The following KCNK1 variants were observed in gnomAD, a reference collection of about 807,000 sequenced individuals.
KCNK1 encodes the protein potassium two pore domain channel subfamily K member 1, also known as potassium channel subfamily K member 1.
KCNK1 carries 10 observed loss-of-function variants against 22.2 expected under a neutral mutation model. That is an observed-to-expected ratio of 0.45 (90% CI 0.28 to 0.76). The LOEUF is 0.76. Among genes scored for constraint, KCNK1 ranks in the 30% least tolerant of loss-of-function variants. KCNK1 has a pLI of 0.14. For missense variants in KCNK1, 378 were observed against 421.0 expected, an observed-to-expected ratio of 0.90 and a Z score of 0.89; for synonymous variants, 200 against 186.4, an observed-to-expected ratio of 1.07 and a Z score of -0.60.
chr1:233,662,703 C>G (rs1391796745), intron 1 of KCNK1, among the ~76,000 whole-genome samples: 1 of 152,204 alleles, frequency 6.6e-6, no homozygotes, highest in African/African-American at 2.4e-5. Flanking sequence ...ACATGCCTCA[C>G]AGATGCAAGC....
At chr1:233,641,614 G>C (rs1402754603) in intron 1 of KCNK1, among the ~76,000 whole-genome samples, 1 of 152,176 alleles carries the variant, frequency 6.6e-6, no homozygotes, top group Non-Finnish European at 1.5e-5. Flanking sequence ...GCACTTCCTG[G>C]CTTGCCATTC....
chr1:233,623,923 C>A (rs1657637100), intron 1 of KCNK1, among the ~76,000 whole-genome samples: 2 of 152,078 alleles, frequency 1.3e-5, no homozygotes, highest in African/African-American at 4.8e-5. Flanking sequence ...AGAAAGTAAA[C>A]CTGAAACTAT....
intron 1 of KCNK1, among the ~76,000 whole-genome samples, chr1:233,616,890 A>G (rs76444026): frequency 0.024 from 3,684 of 152,356 alleles, 68 homozygotes; most frequent in South Asian, 0.066. Flanking sequence ...TGCTGGAAAC[A>G]AACAATATTT....
chr1:233,626,711 T>A (rs536954482), intron 1 of KCNK1, among the ~76,000 whole-genome samples: 1 of 152,150 alleles, frequency 6.6e-6, no homozygotes, highest in Non-Finnish European at 1.5e-5. Flanking sequence ...GTTAAATACT[T>A]CCAGGCTAAG....
chr1:233,650,439 G>T (rs2102901063), intron 1 of KCNK1, among the ~76,000 whole-genome samples: 1 of 152,360 alleles, frequency 6.6e-6, no homozygotes, highest in South Asian at 2.1e-4. Flanking sequence ...GCAGAGAACA[G>T]AGGGGAGCAT....
intron 1 of KCNK1, among the ~76,000 whole-genome samples, chr1:233,634,875 A>G (rs1657871787): frequency 6.6e-6 from 1 of 152,242 alleles, no homozygotes; most frequent in African/African-American, 2.4e-5. Flanking sequence ...ATGAGTATGA[A>G]GTGGTCATTA....
At chr1:233,656,266 T>A (rs1571902038) in intron 1 of KCNK1, among the ~76,000 whole-genome samples, 1 of 152,074 alleles carries the variant, frequency 6.6e-6, no homozygotes, top group East Asian at 1.9e-4. Context: ...AGGTTAGAGG[T>A]TTTATAAAAA....
In KCNK1 at chr1:233,666,880, A is replaced by T; in HGVS notation, c.641A>T (p.Glu214Val). The T allele has an allele frequency of 6.2e-7, 1 of 1,614,056 alleles. No individual in the cohort carries two copies. The highest frequency in any genetic ancestry group is 8.5e-7 in the Non-Finnish European group (1 of 1,180,008). Residue 214 changes from glutamate to valine, a missense_variant, in exon 2 of 3, where the codon GAA becomes GTA. Glu to Val is a moderately radical substitution (Grantham distance 121). Transcript: ENST00000366621. The stretch of plus-strand genomic sequence containing the variant: ...CTGGAGGATGACTGGAACTTCCTGG[A>T]ATCCTTTTATTTTTGTTTTATTTCC... ...SVLEDDWNFL[E>V]SFYFCFISLS...
intron 1 of KCNK1, among the ~76,000 whole-genome samples, chr1:233,620,159 A>G (rs1482122068): frequency 3.3e-5 from 5 of 152,228 alleles, no homozygotes; most frequent in Non-Finnish European, 5.9e-5. Flanking sequence ...GTGTGCAGCC[A>G]CACCTGTTTG....
At chr1:233,627,154 CATT>C (rs1417444301) in intron 1 of KCNK1, among the ~76,000 whole-genome samples, 2 of 152,030 alleles carry the variant, frequency 1.3e-5, no homozygotes, top group African/African-American at 4.8e-5. Flanking sequence ...ATTTTTACTG[CATT>C]GTTGCTTTAC....
At chr1:233,645,499 T>C (rs1026842337) in intron 1 of KCNK1, among the ~76,000 whole-genome samples, 1 of 152,166 alleles carries the variant, frequency 6.6e-6, no homozygotes, top group African/African-American at 2.4e-5. Flanking sequence ...ATTGGAGTTA[T>C]GCAGTCACAA....
intron 1 of KCNK1, among the ~76,000 whole-genome samples, chr1:233,650,877 T>C (rs1658190264): frequency 6.6e-6 from 1 of 151,090 alleles, no homozygotes; most frequent in Non-Finnish European, 1.5e-5. Context: ...CAGGGCAAAA[T>C]GGACGCCACG....
At chr1:233,658,368 T>A (rs979139955) in intron 1 of KCNK1, among the ~76,000 whole-genome samples, 2 of 152,210 alleles carry the variant, frequency 1.3e-5, no homozygotes, top group Non-Finnish European at 2.9e-5. Flanking sequence ...AAATTTTAAT[T>A]TGGCCAAATT....
At chr1:233,624,230 T>C (rs550814504) in intron 1 of KCNK1, 1 of 153,290 alleles carries the variant, frequency 6.5e-6, no homozygotes, top group Non-Finnish European at 1.5e-5. Flanking sequence ...GGTGGAAGTA[T>C]GCACTGAGGA....
intron 1 of KCNK1, among the ~76,000 whole-genome samples, chr1:233,662,551 A>AG (rs1178220751): frequency 6.6e-6 from 1 of 152,220 alleles, no homozygotes; most frequent in African/African-American, 2.4e-5. Flanking sequence ...TTTAAATACC[A>AG]GAAAAATCTA....
At chr1:233,663,019 C>T (rs760672289) in intron 1 of KCNK1, among the ~76,000 whole-genome samples, 5 of 152,104 alleles carry the variant, frequency 3.3e-5, no homozygotes, top group Non-Finnish European at 5.9e-5. Flanking sequence ...ATTGACTGGA[C>T]TTGAGTAAAT....
At chr1:233,623,072 C>G (rs701210) in intron 1 of KCNK1, among the ~76,000 whole-genome samples, 18,569 of 152,066 alleles carry the variant, frequency 0.12, 1,283 homozygotes, top group African/African-American at 0.17. Context: ...AAGCCAGGCA[C>G]AGAGTGTTAA....
chr1:233,671,055 G>A (rs545331524), intron 2 of KCNK1, among the ~76,000 whole-genome samples: 12 of 152,154 alleles, frequency 7.9e-5, no homozygotes, highest in Non-Finnish European at 1.5e-4. Context: ...CAAGTTCATA[G>A]GAGGTTAAAT....
At chr1:233,618,359 A>T (rs1657521495) in intron 1 of KCNK1, among the ~76,000 whole-genome samples, 1 of 151,344 alleles carries the variant, frequency 6.6e-6, no homozygotes, top group South Asian at 2.1e-4. Context: ...AGACTGCAGA[A>T]TTTCCCACAG....
Sources: allele counts gnomAD v4.1 joint callset (sites outside exome capture counted in the v4.1 genomes callset), GRCh38; gene constraint gnomAD v4.1.1; transcripts MANE v1.5; gene names NCBI Gene and HGNC (gene_info 2026-07-23, HGNC 2026-07-21).